Variants in DLG2 observed in about 807,000 individuals in gnomAD.
DLG2 encodes the protein discs large MAGUK scaffold protein 2, also known as disks large homolog 2.
In DLG2, 45 loss-of-function variants were observed where a neutral mutation model predicts 132.5. The ratio of observed to expected loss-of-function variants is 0.34; its 90% CI spans 0.27 to 0.44. The LOEUF is 0.44. DLG2 is among the 20% of genes least tolerant of loss of function. DLG2 has a pLI of 1.00. For missense variants in DLG2, 1,045 were observed against 1,196.9 expected (o/e 0.87, Z 1.87); for synonymous variants, 424 against 419.6 (o/e 1.01, Z -0.13).
intron 4 of DLG2, among the ~76,000 whole-genome samples, chr11:85,278,637 A>G (rs1442524838): frequency 2.0e-5 from 3 of 152,092 alleles, no homozygotes; most frequent in Non-Finnish European, 4.4e-5. Context: ...GACTTTATTT[A>G]TAAGTATCAG....
At chr11:84,552,586 G>A (rs1185187661) in intron 6 of DLG2, among the ~76,000 whole-genome samples, 2 of 152,170 alleles carry the variant, frequency 1.3e-5, no homozygotes, top group East Asian at 1.9e-4. Context: ...TGCACTCACA[G>A]GACATTTACT....
chr11:84,619,322 T>C (rs2099609960), intron 6 of DLG2, among the ~76,000 whole-genome samples: 2 of 151,766 alleles, frequency 1.3e-5, no homozygotes, highest in South Asian at 2.1e-4. Context: ...CTGCATATCA[T>C]ATATTATATA....
intron 11 of DLG2, among the ~76,000 whole-genome samples, chr11:84,009,518 G>C (rs2094766436): frequency 6.6e-6 from 1 of 152,006 alleles, no homozygotes. Context: ...AATTTAGCAA[G>C]GAAAAGCTAA....
At chr11:85,338,969 G>A (rs1008040021) in intron 3 of DLG2, among the ~76,000 whole-genome samples, 1 of 152,152 alleles carries the variant, frequency 6.6e-6, no homozygotes, top group Non-Finnish European at 1.5e-5. Flanking sequence ...TGGGATTACA[G>A]GGGTGAGCCA....
chr11:84,494,027 G>A (rs1317238191), intron 7 of DLG2, among the ~76,000 whole-genome samples: 1 of 152,150 alleles, frequency 6.6e-6, no homozygotes, highest in Non-Finnish European at 1.5e-5. Context: ...AGACAGGGTA[G>A]GCAGTAGGGA....
rs61897877 is a variant in DLG2 at position 84,807,988 on chromosome 11, A to C, written c.358-273257T>G. ...ATATAGAATAATAACACCATCAGCC[A>C]TCAGAATCCAATTGACATTTATAGA... On this transcript the variant is annotated intron_variant, in intron 6 of 27. Coordinates refer to ENST00000376104, the MANE Select transcript of DLG2 (RefSeq NM_001142699.3). Among the ~76,000 whole-genome samples, 899 of 152,304 alleles carry C rather than the reference A, an allele frequency of 5.9e-3. 6 individuals are homozygous for C. The highest frequency in any genetic ancestry group is 0.014 in the South Asian group (70 of 4,830).
chr11:84,988,568 G>C (rs371310929), intron 6 of DLG2, among the ~76,000 whole-genome samples: 1 of 152,228 alleles, frequency 6.6e-6, no homozygotes, highest in Admixed American at 6.5e-5. Context: ...AATGGCTTTC[G>C]CAGCAACCTG....
intron 7 of DLG2, among the ~76,000 whole-genome samples, chr11:84,442,095 A>C (rs998050055): frequency 2.0e-5 from 3 of 152,164 alleles, no homozygotes; most frequent in Non-Finnish European, 4.4e-5. Context: ...TTTCTCGGCT[A>C]TACAGGCTCT....
intron 6 of DLG2, among the ~76,000 whole-genome samples, chr11:84,747,703 G>A (rs746212008): frequency 1.3e-5 from 2 of 152,148 alleles, no homozygotes; most frequent in Non-Finnish European, 2.9e-5. Flanking sequence ...CAAGGTATCA[G>A]TTTAGTTCAA....
chr11:83,551,644 A>G (rs2096393534), intron 19 of DLG2, among the ~76,000 whole-genome samples: 1 of 152,108 alleles, frequency 6.6e-6, no homozygotes, highest in Admixed American at 6.6e-5. Context: ...GTACTGTAGC[A>G]GGAGAAGACC....
At chr11:84,158,780 G>A (rs1158440653) in intron 9 of DLG2, among the ~76,000 whole-genome samples, 1 of 151,606 alleles carries the variant, frequency 6.6e-6, no homozygotes, top group East Asian at 1.9e-4. Context: ...AGAAGTTCTT[G>A]TTAGATTAAG....
intron 7 of DLG2, among the ~76,000 whole-genome samples, chr11:84,373,249 C>CAAAAAAAAAAACAAAAAA (rs1459550146): frequency 7.2e-5 from 3 of 41,664 alleles, no homozygotes; most frequent in African/African-American, 4.0e-4. Context: ...AAGAAACAGT[C>CAAAAAAAAAAACAAAAAA]AAAAAAAAAA....
chr11:84,444,672 T>A (rs1008788098), intron 7 of DLG2, among the ~76,000 whole-genome samples: 6 of 152,352 alleles, frequency 3.9e-5, no homozygotes, highest in African/African-American at 1.4e-4. Context: ...GTATGCTTTA[T>A]AGTAAATACT....
intron 7 of DLG2, among the ~76,000 whole-genome samples, chr11:84,486,796 C>T (rs1209837146): frequency 6.6e-6 from 1 of 151,906 alleles, no homozygotes; most frequent in Non-Finnish European, 1.5e-5. Flanking sequence ...TTCAATAGCT[C>T]AATAGTTATT....
intron 17 of DLG2, among the ~76,000 whole-genome samples, chr11:83,798,106 C>T (rs930633147): frequency 2.0e-5 from 3 of 152,164 alleles, no homozygotes; most frequent in Admixed American, 6.5e-5. Context: ...ATGCTCATGG[C>T]TGCCAAGGTT....
intron 6 of DLG2, among the ~76,000 whole-genome samples, chr11:84,804,837 C>T (rs2075814643): frequency 6.6e-6 from 1 of 152,166 alleles, no homozygotes; most frequent in Admixed American, 6.5e-5. Context: ...CCCCATCCCC[C>T]TTGCTCAGAC....
chr11:84,241,023 A>G (rs987926758), intron 8 of DLG2, among the ~76,000 whole-genome samples: 1 of 152,206 alleles, frequency 6.6e-6, no homozygotes, highest in Non-Finnish European at 1.5e-5. Flanking sequence ...AACTCAGGAC[A>G]TGTGAGTTGC....
intron 15 of DLG2, among the ~76,000 whole-genome samples, chr11:83,911,670 T>C (rs766049716): frequency 5.3e-5 from 8 of 152,084 alleles, no homozygotes; most frequent in Non-Finnish European, 1.0e-4. Flanking sequence ...TTTAATAATA[T>C]GGAGTTATTA....
At chr11:84,638,216 GT>G (rs1457648028) in intron 6 of DLG2, among the ~76,000 whole-genome samples, 1 of 152,208 alleles carries the variant, frequency 6.6e-6, no homozygotes, top group African/African-American at 2.4e-5. Flanking sequence ...AACATCAATT[GT>G]AATCCTTGCT....
Sources: gnomAD v4.1 joint callset for allele counts (sites outside exome capture counted in the v4.1 genomes callset) on GRCh38, gnomAD v4.1.1 for gene constraint, MANE v1.5 for transcripts, NCBI Gene and HGNC (gene_info 2026-07-23, HGNC 2026-07-21) for gene names.